Variants in DGAT1 observed in about 807,000 individuals in gnomAD.
DGAT1 encodes diacylglycerol O-acyltransferase 1, also known as ACAT related gene product 1.
DGAT1 carries 60 observed loss-of-function variants against 72.6 expected under a neutral mutation model. The observed-to-expected ratio is 0.83, with a 90% confidence interval of 0.67 to 1.02. DGAT1 has a LOEUF of 1.02. DGAT1 is among the 50% of genes least tolerant of loss of function. The pLI is 0.00. For missense variants in DGAT1, 592 were observed against 670.0 expected, an observed-to-expected ratio of 0.88 and a Z score of 1.29; for synonymous variants, 290 against 267.5, an observed-to-expected ratio of 1.08 and a Z score of -0.82.
In DGAT1 at chr8:144,317,329, T is replaced by C. The variant is rs781911226; in HGVS notation, c.1094+4A>G. 2 of 1,613,308 alleles carry C rather than the reference T, an allele frequency of 1.2e-6. No individual in the cohort carries two copies. Among genetic ancestry groups the C allele is most frequent in the Non-Finnish European group, 1.7e-6 (2 of 1,179,818 alleles). On this transcript the variant is annotated splice_donor_region_variant and intron_variant, in intron 13 of 16. Transcript: ENST00000528718. ...GCCCCCAGGGACACCCCAGGGACAC[T>C]CACCACCAGTCCCGGTAGAACTCCC...
At chr8:144,323,439 C>T (rs565344938) in intron 1 of DGAT1, among the ~76,000 whole-genome samples, 1 of 152,270 alleles carries the variant, frequency 6.6e-6, no homozygotes, top group Admixed American at 6.5e-5. Context: ...TCACAGGCCC[C>T]CATGAGGAGG....
chr8:144,321,379 C>A lies in DGAT1; in HGVS notation c.230G>T (p.Ser77Ile), dbSNP rs1210721884. Reference sequence around the variant, plus strand: ...GTAGTTGCTGAAGCCACTGTCAGAGCTGAATAAAGAATCCTGCAGGCGATG... The same window carrying A: ...GTAGTTGCTGAAGCCACTGTCAGAGATGAATAAAGAATCCTGCAGGCGATG... Reference protein sequence around the residue: ...RCHRLQDSLFSSDSGFSNYRG... With the variant: ...RCHRLQDSLFISDSGFSNYRG... Residue 77 changes from serine to isoleucine, a missense_variant, in exon 2 of 17, where the codon AGC becomes ATC. Transcript: ENST00000528718. 2.5e-6 allele frequency: 4 copies of A among 1,613,968 alleles called. No individual in the cohort carries two copies. Among genetic ancestry groups the A allele is most frequent in the Non-Finnish European group, 3.4e-6 (4 of 1,179,964 alleles).
Position 144,315,904 on chromosome 8 carries a change from C to T in DGAT1, c.*650G>A. The T allele has an allele frequency of 2.0e-6, 2 of 986,008 alleles. No homozygotes were observed. Among genetic ancestry groups the T allele is most frequent in the Non-Finnish European group, 2.4e-6 (2 of 830,374 alleles). The allele number at this position is 986,008 out of a possible 1,614,324, so 61.1% of individuals were successfully genotyped here. On this transcript the variant is annotated 3_prime_UTR_variant, in exon 17 of 17. Coordinates refer to ENST00000528718, the MANE Select transcript of DGAT1 (RefSeq NM_012079.6). ...GCTCACCAGACCCACACCAGAAAGGCCCTGTGGACTGCCCATCCCTGGGCC... is the reference window on the plus strand; with the variant it reads ...GCTCACCAGACCCACACCAGAAAGGTCCTGTGGACTGCCCATCCCTGGGCC...
Position 144,326,736 on chromosome 8 carries a change from A to AGGGGG in DGAT1, c.-101_-100insCCCCC. 1.0e-6 allele frequency: 1 copy of AGGGGG among 990,794 alleles called. No homozygotes were observed. The highest frequency in any genetic ancestry group is 1.2e-6 in the Non-Finnish European group (1 of 808,466). The allele number at this position is 990,794 out of a possible 1,614,324, so 61.4% of individuals were successfully genotyped here. On this transcript the variant is annotated 5_prime_UTR_variant, in exon 1 of 17. Coordinates refer to ENST00000528718, the MANE Select transcript of DGAT1 (RefSeq NM_012079.6). The stretch of plus-strand genomic sequence containing the variant: ...CTCCGGGCCCTAGACAACGGCCGCC[A>AGGGGG]CTGCCCCCTGCCGGCCGCCGTAGCC...
intron 1 of DGAT1, among the ~76,000 whole-genome samples, chr8:144,325,072 AG>A (rs1817564367): frequency 1.3e-5 from 2 of 152,044 alleles, no homozygotes; most frequent in Non-Finnish European, 2.9e-5. Flanking sequence ...TCAAAAAAAA[AG>A]AAAAGAAAAA....
At chr8:144,321,979 G>T (rs1299319971) in intron 1 of DGAT1, among the ~76,000 whole-genome samples, 1 of 152,214 alleles carries the variant, frequency 6.6e-6, no homozygotes, top group Non-Finnish European at 1.5e-5. Context: ...CCAGAGGCAG[G>T]GATCCAGCCC....
rs575939884 is a variant in DGAT1 at position 144,316,578 on chromosome 8, A to G, written c.1443T>C (p.Tyr481=). 3.7e-6 allele frequency: 6 copies of G among 1,601,520 alleles called. No individual in the cohort carries two copies. The South Asian group carries it at 5.6e-5, about 15-fold the overall frequency. The change falls in exon 17 of 17, where the codon TAT becomes TAC. Residue 481 remains tyrosine (Y), a synonymous_variant. Coordinates refer to ENST00000528718, the MANE Select transcript of DGAT1 (RefSeq NM_012079.6). ...CTCAGGCCTCTGCCGCTGGGGCCTC[A>G]TAGTTGAGCACGTAGTAGTCGTGGA... ...MYVHDYYVLN[Y]EAPAAEA is the part of the protein sequence containing the mutation.
Position 144,315,950 on chromosome 8 carries a change from C to G in DGAT1, c.*604G>C, listed in dbSNP as rs573759642. On this transcript the variant is annotated 3_prime_UTR_variant, in exon 17 of 17. Coordinates refer to ENST00000528718, the MANE Select transcript of DGAT1 (RefSeq NM_012079.6). ...GGGCCATCCTGGCTGGAGCCCACTT[C>G]CCGCAAACCCAGGGCCGACCTCTTC... The G allele has an allele frequency of 7.1e-6, 7 of 986,598 alleles. No homozygotes were observed. The highest frequency in any genetic ancestry group is 1.2e-4 in the Admixed American group (2 of 16,376). The allele number at this position is 986,598 out of a possible 1,614,324, so 61.1% of individuals were successfully genotyped here.
Position 144,326,685 on chromosome 8 carries a change from G to T in DGAT1, c.-49C>A. Reference sequence around the variant, plus strand: ...AGCCAAGCGTGGGCCCGCCGGGTTCGTAGCGCCCGAGGCGCGCGGCCCCAC... The same window carrying T: ...AGCCAAGCGTGGGCCCGCCGGGTTCTTAGCGCCCGAGGCGCGCGGCCCCAC... On this transcript the variant is annotated 5_prime_UTR_variant, in exon 1 of 17. Transcript: ENST00000528718. The T allele has an allele frequency of 8.7e-7, 1 of 1,146,088 alleles. No homozygotes were observed. The highest frequency in any genetic ancestry group is 1.1e-6 in the Non-Finnish European group (1 of 932,780). The allele number at this position is 1,146,088 out of a possible 1,614,324, so 71.0% of individuals were successfully genotyped here. A position where few individuals can be genotyped will look rare whatever the true frequency, so the allele number is the denominator to read the frequency against.
rs1554848847 is a variant in DGAT1 at position 144,326,656 on chromosome 8, C to T, written c.-20G>A. The stretch of plus-strand genomic sequence containing the variant: ...GCCCATGGCCTCAGCCCGCACCCGG[C>T]CGCAGCCAAGCGTGGGCCCGCCGGG... On this transcript the variant is annotated 5_prime_UTR_variant, in exon 1 of 17. Coordinates refer to ENST00000528718, the MANE Select transcript of DGAT1 (RefSeq NM_012079.6). 1 of 1,182,814 alleles carries T rather than the reference C, an allele frequency of 8.5e-7. No homozygotes were observed. The highest frequency in any genetic ancestry group is 1.0e-6 in the Non-Finnish European group (1 of 955,824). 73.3% of individuals were successfully genotyped at this position (1,182,814 alleles called of 1,614,324 possible).
Position 144,326,668 on chromosome 8 carries a change from G to T in DGAT1, c.-32C>A. The T allele has an allele frequency of 1.7e-6, 2 of 1,170,924 alleles. No homozygotes were observed. Among genetic ancestry groups the T allele is most frequent in the South Asian group, 3.4e-5 (1 of 29,676 alleles). 72.5% of individuals were successfully genotyped at this position (1,170,924 alleles called of 1,614,324 possible). A position where few individuals can be genotyped will look rare whatever the true frequency, so the allele number is the denominator to read the frequency against. ...AGCCCGCACCCGGCCGCAGCCAAGC[G>T]TGGGCCCGCCGGGTTCGTAGCGCCC... On this transcript the variant is annotated 5_prime_UTR_variant, in exon 1 of 17. Transcript: ENST00000528718.
intron 2 of DGAT1, among the ~76,000 whole-genome samples, chr8:144,319,545 A>G (rs571168246): frequency 1.3e-5 from 2 of 152,270 alleles, no homozygotes; most frequent in South Asian, 4.1e-4. Context: ...GCCAAGGCTG[A>G]AGAGGGGGAG....
Position 144,319,067 on chromosome 8 carries a change from A to G in DGAT1, c.290T>C (p.Ile97Thr). ...GILNWCVVMLILSNARLFLEN... is the reference protein window; with the variant it reads ...GILNWCVVMLTLSNARLFLEN... ...CAGAAATAACCGGGCATTGCTCAAG[A>G]TCTGCGAGGGATGGACAGGAGGGTG... Residue 97 changes from isoleucine to threonine, a missense_variant and splice_region_variant, in exon 3 of 17, where the codon ATC becomes ACC. Ile to Thr is a moderately conservative substitution (Grantham distance 89). Transcript: ENST00000528718. The G allele has an allele frequency of 6.4e-7, 1 of 1,554,310 alleles. No homozygotes were observed. Among genetic ancestry groups the G allele is most frequent in the Non-Finnish European group, 8.7e-7 (1 of 1,148,680 alleles).
chr8:144,315,632 G>C lies in DGAT1; in HGVS notation c.*922C>G. On this transcript the variant is annotated 3_prime_UTR_variant, in exon 17 of 17. Coordinates refer to ENST00000528718, the MANE Select transcript of DGAT1 (RefSeq NM_012079.6). ...CATCTATCCAGCTTGGTGGATTGCA[G>C]GGCCTGGGAACAAGGTGTCCTGAAG... The C allele has an allele frequency of 1.0e-6, 1 of 985,052 alleles. No homozygotes were observed. Among genetic ancestry groups the C allele is most frequent in the Non-Finnish European group, 1.2e-6 (1 of 829,554 alleles). 61.0% of individuals were successfully genotyped at this position (985,052 alleles called of 1,614,324 possible). A position where few individuals can be genotyped will look rare whatever the true frequency, so the allele number is the denominator to read the frequency against.
chr8:144,315,170 AGTTT>A lies in DGAT1; in HGVS notation c.*1380_*1383del. The A allele has an allele frequency of 1.0e-6, 1 of 985,450 alleles. No individual in the cohort carries two copies. Among genetic ancestry groups the A allele is most frequent in the African/African-American group, 1.7e-5 (1 of 57,338 alleles). The allele number at this position is 985,450 out of a possible 1,614,324, so 61.0% of individuals were successfully genotyped here. A position where few individuals can be genotyped will look rare whatever the true frequency, so the allele number is the denominator to read the frequency against. The stretch of plus-strand genomic sequence containing the variant: ...CTTTGCTGCTTTATCTGGCAGCAAC[AGTTT>A]GTTCTCGAGCTCCACTGGCCAACTG... On this transcript the variant is annotated 3_prime_UTR_variant, in exon 17 of 17. Transcript: ENST00000528718.
chr8:144,319,167 C>A, intron 2 of DGAT1, 99 bp from the exon 3 acceptor site: 1 of 1,424,110 alleles, frequency 7.0e-7, no homozygotes. Context: ...CCAGCCCGAG[C>A]TCAGGGCGGC....
In DGAT1 at chr8:144,318,453, G is replaced by A. The variant is rs373443171; in HGVS notation, c.574+8C>T. On this transcript the variant is annotated splice_region_variant and intron_variant, in intron 6 of 16. Coordinates refer to ENST00000528718, the MANE Select transcript of DGAT1 (RefSeq NM_012079.6). ...GAGACAGATGGGCAGGGTGGGATGG[G>A]GGCGCACCTGGAGTGATAGACTCAA... 19 of 1,610,216 alleles carry A rather than the reference G, an allele frequency of 1.2e-5. No individual in the cohort carries two copies. The African/African-American group carries it at 2.5e-4, about 21-fold the overall frequency.
In DGAT1 at chr8:144,321,349, C is replaced by T; in HGVS notation, c.260G>A (p.Gly87Asp). 6.2e-7 allele frequency: 1 copy of T among 1,613,990 alleles called. No homozygotes were observed. ...SSDSGFSNYR[G>D]ILNWCVVMLI... Reference sequence around the variant, plus strand: ...CATCACCACACACCAGTTCAGGATGCCACGGTAGTTGCTGAAGCCACTGTC... The same window carrying T: ...CATCACCACACACCAGTTCAGGATGTCACGGTAGTTGCTGAAGCCACTGTC... Residue 87 changes from glycine (G) to aspartate (D), a missense_variant, in exon 2 of 17, where the codon GGC becomes GAC. By Grantham distance (94) the Gly-to-Asp change is moderately conservative. Coordinates refer to ENST00000528718, the MANE Select transcript of DGAT1 (RefSeq NM_012079.6).
At chr8:144,317,735 AGCT>A in intron 10 of DGAT1, 23 bp from the exon 11 acceptor site, 1 of 1,613,664 alleles carries the variant, frequency 6.2e-7, no homozygotes, top group Non-Finnish European at 8.5e-7. Context: ...GCACCACGTC[AGCT>A]CCCAGCCATG....
Sources: allele counts gnomAD v4.1 joint callset (sites outside exome capture counted in the v4.1 genomes callset), GRCh38; gene constraint gnomAD v4.1.1; transcripts MANE v1.5; gene names NCBI Gene and HGNC (gene_info 2026-07-23, HGNC 2026-07-21).